The following PTCD1 variants were observed in gnomAD, a reference collection of about 807,000 sequenced individuals.
PTCD1 encodes the protein pentatricopeptide repeat-containing protein 1, mitochondrial.
A neutral mutation model predicts 53.4 loss-of-function variants in PTCD1; 50 were observed. The observed-to-expected ratio is 0.94, with a 90% CI of 0.75 to 1.19. The LOEUF (loss-of-function observed/expected upper bound fraction) is 1.19, where lower values mean the gene tolerates loss of function less well. PTCD1 is among the 50% of genes most tolerant of loss of function. PTCD1 has a pLI of 0.00. For missense variants in PTCD1, 918 were observed against 904.8 expected, an observed-to-expected ratio of 1.01 and a Z score of -0.19; for synonymous variants, 413 against 394.8, an observed-to-expected ratio of 1.05 and a Z score of -0.55.
chr7:99,427,766 ATTC>A (rs1429560503), intron 5 of PTCD1, among the ~76,000 whole-genome samples: 32 of 151,538 alleles, frequency 2.1e-4, no homozygotes, highest in African/African-American at 2.4e-4. Context: ...ACTAAGAAAA[ATTC>A]TTCTGCCTTG....
intron 7 of PTCD1, among the ~76,000 whole-genome samples, chr7:99,421,443 A>G (rs1022047469): frequency 2.2e-4 from 33 of 151,196 alleles, no homozygotes; most frequent in Middle Eastern, 6.9e-3. Flanking sequence ...AAAAAAAAAA[A>G]AAAAGAAAAA....
At chr7:99,420,882 G>C (rs1207100464) in intron 7 of PTCD1, among the ~76,000 whole-genome samples, 1 of 152,132 alleles carries the variant, frequency 6.6e-6, no homozygotes, top group Non-Finnish European at 1.5e-5. Flanking sequence ...GGGAGGCAGA[G>C]GTTGCAGTGA....
Position 99,429,737 on chromosome 7 carries a change from G to A in PTCD1, c.664C>T (p.Pro222Ser), listed in dbSNP as rs368939042. ...CTCTGTAGAGCTGAGTCCTTCCAGG[G>A]GGACTCGGCACAGACGTTGAACAGG... The part of the protein sequence containing the change: ...TALFNVCAES[P>S]WKDSALQSAL... Residue 222 changes from proline to serine, a missense_variant, in exon 4 of 8, where the codon CCC becomes TCC. Physicochemically the swap from Pro to Ser is moderately conservative, Grantham distance 74. Coordinates refer to ENST00000292478, the MANE Select transcript of PTCD1 (RefSeq NM_015545.4). The A allele has an allele frequency of 1.2e-6, 2 of 1,614,210 alleles. No homozygotes were observed. The highest frequency in any genetic ancestry group is 2.7e-5 in the African/African-American group (2 of 75,044).
chr7:99,436,267 A>G (rs1308522853), intron 1 of PTCD1, among the ~76,000 whole-genome samples: 2 of 152,092 alleles, frequency 1.3e-5, no homozygotes, highest in African/African-American at 4.8e-5. Context: ...GTCTGGTTAT[A>G]TTAGAAGGTT....
At position 99,423,762 on chromosome 7, in the gene PTCD1, T is replaced by G. The variant is rs202151363; in HGVS notation, c.1920+13A>C. 3 of 1,613,720 alleles carry G rather than the reference T, an allele frequency of 1.9e-6. No individual in the cohort carries two copies. Among genetic ancestry groups the G allele is most frequent in the Non-Finnish European group, 8.5e-7 (1 of 1,180,000 alleles). ...TGAAGGAGCTGATGAGCTTTTGAGC[T>G]TGGGGCACACACCCGGTCAAAGGTG... is the stretch of plus-strand genomic sequence containing the variant. On this transcript the variant is annotated intron_variant, in intron 7 of 7. Transcript: ENST00000292478.
chr7:99,425,037 A>G lies in PTCD1; in HGVS notation c.1495T>C (p.Ser499Pro), dbSNP rs773504003. Residue 499 changes from serine (S) to proline (P), a missense_variant, in exon 6 of 8, where the codon TCC becomes CCC. By Grantham distance (74) the Ser-to-Pro change is moderately conservative. Coordinates refer to ENST00000292478, the MANE Select transcript of PTCD1 (RefSeq NM_015545.4). ...TLTLLAEVVE[S>P]GSPAESLLLA... is the part of the protein sequence containing the mutation. The stretch of plus-strand genomic sequence containing the variant: ...AGCAAGGACTCTGCAGGACTCCCGG[A>G]CTCCACCACCTCGGCCAGTAGCGTG... 6.2e-7 allele frequency: 1 copy of G among 1,613,720 alleles called. No homozygotes were observed. Among genetic ancestry groups the G allele is most frequent in the South Asian group, 1.1e-5 (1 of 91,064 alleles).
chr7:99,419,983 G>A lies in PTCD1; in HGVS notation c.2087C>T (p.Ala696Val). The A allele has an allele frequency of 1.2e-6, 2 of 1,614,182 alleles. No individual in the cohort carries two copies. The highest frequency in any genetic ancestry group is 1.7e-6 in the Non-Finnish European group (2 of 1,180,018). ...DTGKEADDGC[A>V]LGGR ...GTGCTCCCATCACCTGCCCCCAAGG[G>A]CACATCCGTCATCAGCCTCCTTGCC... The change falls in exon 8 of 8, where the codon GCC becomes GTC. Residue 696 changes from alanine (A) to valine (V), a missense_variant. Transcript: ENST00000292478.
In PTCD1 at chr7:99,417,499, A is replaced by C. The variant is rs1389650299; in HGVS notation, c.*2468T>G. On this transcript the variant is annotated 3_prime_UTR_variant, in exon 8 of 8. Transcript: ENST00000292478. ...TGATTGCAAAATGGAAAAAGCAAGG[A>C]TATGAGAACTTGTGCTGCCTGCGGT... 2 of 1,611,740 alleles carry C rather than the reference A, an allele frequency of 1.2e-6. No individual in the cohort carries two copies. Among genetic ancestry groups the C allele is most frequent in the Non-Finnish European group, 1.7e-6 (2 of 1,178,532 alleles).
chr7:99,432,144 A>C (rs1319464438), intron 3 of PTCD1, among the ~76,000 whole-genome samples: 1 of 152,212 alleles, frequency 6.6e-6, no homozygotes, highest in East Asian at 1.9e-4. Context: ...GGGAAGGGAA[A>C]GACCTGACTG....
At chr7:99,434,708 G>A (rs1296711156) in intron 2 of PTCD1, 82 bp downstream of exon 2, 14 of 1,579,864 alleles carry the variant, frequency 8.9e-6, no homozygotes, top group African/African-American at 1.3e-5. Context: ...TTAGAGGCTG[G>A]GAAAGTCAGG....
intron 1 of PTCD1, among the ~76,000 whole-genome samples, chr7:99,436,977 A>G (rs1199245537): frequency 6.6e-6 from 1 of 152,076 alleles, no homozygotes; most frequent in African/African-American, 2.4e-5. Flanking sequence ...TGATCCTCCT[A>G]CCTCAGCCTC....
chr7:99,426,371 T>C (rs1796026464), intron 5 of PTCD1, among the ~76,000 whole-genome samples: 1 of 152,210 alleles, frequency 6.6e-6, no homozygotes, highest in Non-Finnish European at 1.5e-5. Context: ...TGTATTATTT[T>C]GGTGGAGACG....
In PTCD1 at chr7:99,419,445, T is replaced by A. The variant is rs1382197295; in HGVS notation, c.*522A>T. 1 of 1,611,340 alleles carries A rather than the reference T, an allele frequency of 6.2e-7. No homozygotes were observed. Among genetic ancestry groups the A allele is most frequent in the African/African-American group, 1.3e-5 (1 of 74,938 alleles). On this transcript the variant is annotated 3_prime_UTR_variant, in exon 8 of 8. Coordinates refer to ENST00000292478, the MANE Select transcript of PTCD1 (RefSeq NM_015545.4). ...CTGTCGTGGCTGCTCTGGCTGAGGCTGGCGCGCTCCACCCTGGACTCTGGA... is the reference window on the plus strand; with the variant it reads ...CTGTCGTGGCTGCTCTGGCTGAGGCAGGCGCGCTCCACCCTGGACTCTGGA...
chr7:99,435,616 G>A (rs1562847971), intron 1 of PTCD1, among the ~76,000 whole-genome samples: 1 of 149,044 alleles, frequency 6.7e-6, no homozygotes, highest in Non-Finnish European at 1.5e-5. Context: ...TCCAACCTGG[G>A]TGACAGAGTG....
chr7:99,422,484 T>C (rs1795861290), intron 7 of PTCD1, among the ~76,000 whole-genome samples: 1 of 152,224 alleles, frequency 6.6e-6, no homozygotes, highest in Non-Finnish European at 1.5e-5. Context: ...ATTCCATGAC[T>C]CTGCCCTGCT....
At chr7:99,427,626 G>T (rs867206875) in intron 5 of PTCD1, among the ~76,000 whole-genome samples, 1 of 137,222 alleles carries the variant, frequency 7.3e-6, no homozygotes, top group Non-Finnish European at 1.6e-5. Context: ...CATTGAGAAC[G>T]GGCCATGATG....
Position 99,433,292 on chromosome 7 carries a change from T to C in PTCD1, c.580A>G (p.Asn194Asp), listed in dbSNP as rs751988192. 43 of 1,614,058 alleles carry C rather than the reference T, an allele frequency of 2.7e-5. No individual in the cohort carries two copies. The highest frequency in any genetic ancestry group is 1.6e-4 in the Middle Eastern group (1 of 6,084). The change falls in exon 3 of 8, where the codon AAC (asparagine) becomes GAC (aspartate). Residue 194 changes from asparagine (N) to aspartate (D), a missense_variant. Asn to Asp is a conservative substitution (Grantham distance 23). Coordinates refer to ENST00000292478, the MANE Select transcript of PTCD1 (RefSeq NM_015545.4). ...CCCACATGCACCTGGTTGTAGAGGT[T>C]GAAGGCCTTCTTCAGGTAGCCAACC... The part of the protein sequence containing the change: ...GRVGYLKKAF[N>D]LYNQMKKRDL...
intron 5 of PTCD1, among the ~76,000 whole-genome samples, chr7:99,426,735 G>A (rs1447587903): frequency 4.6e-4 from 69 of 151,182 alleles, no homozygotes; most frequent in Admixed American, 1.7e-3. Context: ...AGTGAGGAGC[G>A]CCTCTTCCCG....
chr7:99,422,710 G>A (rs1562838927), intron 7 of PTCD1, among the ~76,000 whole-genome samples: 1 of 152,186 alleles, frequency 6.6e-6, no homozygotes, highest in Non-Finnish European at 1.5e-5. Context: ...GGGCTACCTG[G>A]GAGCCAGATA....
Sources: allele counts gnomAD v4.1 joint callset (sites outside exome capture counted in the v4.1 genomes callset), GRCh38; gene constraint gnomAD v4.1.1; transcripts MANE v1.5; gene names NCBI Gene and HGNC (gene_info 2026-07-23, HGNC 2026-07-21).